ZC3H12B: variants seen among roughly 807,000 people sequenced by gnomAD.
The protein encoded by ZC3H12B is zinc finger CCCH-type containing 12B, also known as probable ribonuclease ZC3H12B.
A neutral mutation model predicts 43.9 loss-of-function variants in ZC3H12B; 7 were observed. The observed-to-expected ratio is 0.16, with a 90% CI of 0.09 to 0.30. The LOEUF is 0.30. Ranked by LOEUF, ZC3H12B falls within the 10% of genes least tolerant of loss-of-function variation. The probability of loss-of-function intolerance (pLI) is 1.00; values close to 1 mark genes in which losing one functional copy is unlikely to be tolerated. For synonymous variants in ZC3H12B, 222 were observed against 241.7 expected, an observed-to-expected ratio of 0.92 and a Z score of 0.76; for missense variants, 475 against 670.2, an observed-to-expected ratio of 0.71 and a Z score of 3.22.
chrX:65,466,895 T>TA (rs2067826001), intron 3 of ZC3H12B, among the ~76,000 whole-genome samples: 1 of 81,038 alleles, frequency 1.2e-5, no homozygotes, highest in Non-Finnish European at 2.4e-5. Context: ...TATATATATG[T>TA]AACTATATAT....
chrX:65,226,614 A>G, the ZC3H12B span, among the ~76,000 whole-genome samples: 6 of 111,523 alleles, frequency 5.4e-5, no homozygotes, highest in Non-Finnish European at 1.1e-4. Flanking sequence ...AAGACCCATC[A>G]GTGTGCTGTA....
the ZC3H12B span, among the ~76,000 whole-genome samples, chrX:65,244,420 C>A: frequency 3.6e-5 from 4 of 110,207 alleles, no homozygotes; most frequent in African/African-American, 1.3e-4. Context: ...AATAGACTTG[C>A]TCATCACAGA....
intron 3 of ZC3H12B, among the ~76,000 whole-genome samples, chrX:65,460,979 C>T (rs1255382833): frequency 1.8e-5 from 2 of 111,916 alleles, no homozygotes; most frequent in Admixed American, 1.9e-4. Context: ...GGGCTAATAT[C>T]CAGAATCTAC....
chrX:65,190,681 T>G, the ZC3H12B span, among the ~76,000 whole-genome samples: 2 of 109,083 alleles, frequency 1.8e-5, no homozygotes, highest in African/African-American at 6.7e-5. Flanking sequence ...TTGCTTATCA[T>G]CTTCAGGAGA....
At chrX:65,131,278 CTAAA>C in the ZC3H12B span, among the ~76,000 whole-genome samples, 4 of 111,147 alleles carry the variant, frequency 3.6e-5, no homozygotes. Flanking sequence ...CATCAATAAA[CTAAA>C]TGTGATCAGT....
At chrX:65,123,234 AT>A in the ZC3H12B span, among the ~76,000 whole-genome samples, 7 of 111,521 alleles carry the variant, frequency 6.3e-5, no homozygotes, top group Admixed American at 9.5e-5. Flanking sequence ...ACATTTATTG[AT>A]TTGCGTATGT....
chrX:65,040,537 G>A, the ZC3H12B span, among the ~76,000 whole-genome samples: 4 of 110,468 alleles, frequency 3.6e-5, no homozygotes, highest in African/African-American at 9.8e-5. Context: ...TTCTTAATTT[G>A]CAGTAATTTA....
chrX:65,063,158 C>T, the ZC3H12B span, among the ~76,000 whole-genome samples: 2 of 111,668 alleles, frequency 1.8e-5, no homozygotes, highest in Admixed American at 9.5e-5. Context: ...TTATTTCTTT[C>T]TCTTGCCTGA....
At chrX:65,404,288 G>A (rs2066797811) in intron 3 of ZC3H12B, among the ~76,000 whole-genome samples, 2 of 111,301 alleles carry the variant, frequency 1.8e-5, no homozygotes, top group Non-Finnish European at 3.8e-5. Context: ...AGGGAAAATC[G>A]CCTTCACTAA....
the ZC3H12B span, among the ~76,000 whole-genome samples, chrX:65,085,809 G>T: frequency 1.8e-5 from 2 of 110,860 alleles, no homozygotes; most frequent in Non-Finnish European, 3.8e-5. Context: ...ACATATTTAG[G>T]GATACGTTGG....
chrX:65,283,245 CA>C, the ZC3H12B span, among the ~76,000 whole-genome samples: 4 of 111,857 alleles, frequency 3.6e-5, no homozygotes, highest in African/African-American at 1.3e-4. Context: ...TCAATAGATG[CA>C]GAAAAGGCCT....
chrX:65,391,427 AAGAT>A (rs2066614823), intron 2 of ZC3H12B, among the ~76,000 whole-genome samples: 1 of 112,031 alleles, frequency 8.9e-6, no homozygotes, highest in African/African-American at 3.2e-5. Context: ...TGAGAAAACT[AAGAT>A]ATCTCTTTTT....
chrX:65,289,896 A>G, the ZC3H12B span, among the ~76,000 whole-genome samples: 1 of 111,066 alleles, frequency 9.0e-6, no homozygotes, highest in African/African-American at 3.3e-5. Context: ...GAAAACAGAT[A>G]AAATTGTCCT....
At chrX:65,283,120 C>T in the ZC3H12B span, among the ~76,000 whole-genome samples, 13 of 111,467 alleles carry the variant, frequency 1.2e-4, no homozygotes, top group Admixed American at 1.1e-3. Flanking sequence ...AAAAGCTTAT[C>T]CACCAAGATC....
chrX:65,407,769 G>C (rs1037863694), intron 3 of ZC3H12B, among the ~76,000 whole-genome samples: 31 of 113,609 alleles, frequency 2.7e-4, no homozygotes, highest in African/African-American at 9.9e-4. Flanking sequence ...CTGAGGCCGG[G>C]GGGTTGGAGC....
chrX:65,177,830 G>A, the ZC3H12B span, among the ~76,000 whole-genome samples: 922 of 112,309 alleles, frequency 8.2e-3, 10 homozygotes, highest in African/African-American at 0.023. Flanking sequence ...AATCAATATC[G>A]TGAAAATGGC....
the ZC3H12B span, among the ~76,000 whole-genome samples, chrX:65,068,105 C>CTTTT: frequency 6.6e-5 from 4 of 60,813 alleles, no homozygotes; most frequent in African/African-American, 2.9e-4. Flanking sequence ...CTTGATGTTA[C>CTTTT]TTTTTTTTTT....
At chrX:65,362,428 T>C (rs1332329173), upstream of ZC3H12B, among the ~76,000 whole-genome samples, 1 of 111,158 alleles carries the variant, frequency 9.0e-6, no homozygotes, top group East Asian at 2.8e-4. Flanking sequence ...TACACTCCTT[T>C]TTAGTTATCC....
the ZC3H12B span, among the ~76,000 whole-genome samples, chrX:65,359,655 A>G: frequency 8.9e-6 from 1 of 112,502 alleles, no homozygotes; most frequent in Non-Finnish European, 1.9e-5. Context: ...ACTTTTTAAT[A>G]AATGAGGAAT....
Sources: gnomAD v4.1 joint callset for allele counts (sites outside exome capture counted in the v4.1 genomes callset) on GRCh38, gnomAD v4.1.1 for gene constraint, MANE v1.5 for transcripts, NCBI Gene and HGNC (gene_info 2026-07-23, HGNC 2026-07-21) for gene names.